Variants in PCDH9 observed in about 807,000 individuals in gnomAD.
PCDH9 encodes the protein protocadherin 9.
In PCDH9, 24 loss-of-function variants were observed where a neutral mutation model predicts 70.6. The ratio of observed to expected loss-of-function variants is 0.34; its 90% CI spans 0.25 to 0.48. The LOEUF is 0.48. Ranked by LOEUF, PCDH9 falls within the 20% of genes least tolerant of loss-of-function variation. The pLI, the probability that PCDH9 is intolerant of heterozygous loss-of-function variation, is 0.99. For missense variants in PCDH9, 1,281 were observed against 1,503.6 expected (o/e 0.85, Z 2.45); for synonymous variants, 562 against 558.5 (o/e 1.01, Z -0.09).
intron 3 of PCDH9, among the ~76,000 whole-genome samples, chr13:66,686,745 A>G (rs975249572): frequency 6.6e-6 from 1 of 152,138 alleles, no homozygotes; most frequent in African/African-American, 2.4e-5. Context: ...TAAACACTGG[A>G]CCCAGGATTT....
At chr13:66,921,173 A>G (rs1273261555) in intron 2 of PCDH9, among the ~76,000 whole-genome samples, 1 of 151,208 alleles carries the variant, frequency 6.6e-6, no homozygotes, top group Non-Finnish European at 1.5e-5. Flanking sequence ...GTTGTGTCAG[A>G]GAATCCCCTG....
rs898934959 is a variant in PCDH9 at position 66,970,303 on chromosome 13, C to A, written c.3037-66698G>T. Among the ~76,000 whole-genome samples, 7 of 151,708 alleles carry A rather than the reference C, an allele frequency of 4.6e-5. No individual in the cohort carries two copies. The South Asian group carries it at 1.2e-3, about 27-fold the overall frequency. On this transcript the variant is annotated intron_variant, in intron 2 of 4. Transcript: ENST00000377865. ...GGGTCTTCGTGCATACTGAGAATAACAAGTTATTTCTTTGGCAGCCCTTAA... is the reference window on the plus strand; with the variant it reads ...GGGTCTTCGTGCATACTGAGAATAAAAAGTTATTTCTTTGGCAGCCCTTAA...
chr13:66,902,616 G>A (rs1713471698), intron 3 of PCDH9, among the ~76,000 whole-genome samples: 1 of 151,336 alleles, frequency 6.6e-6, no homozygotes, highest in African/African-American at 2.4e-5. Flanking sequence ...TCTTTCTACA[G>A]TCTATATGTT....
intron 2 of PCDH9, among the ~76,000 whole-genome samples, chr13:66,992,339 G>A (rs1202258748): frequency 1.3e-5 from 2 of 152,090 alleles, no homozygotes; most frequent in Non-Finnish European, 2.9e-5. Flanking sequence ...AACAAGCTAT[G>A]GATCTAACAT....
At chr13:66,865,368 A>T (rs2139490741) in intron 3 of PCDH9, among the ~76,000 whole-genome samples, 1 of 152,344 alleles carries the variant, frequency 6.6e-6, no homozygotes, top group East Asian at 1.9e-4. Context: ...TTTTATATAT[A>T]GTCAAATTGT....
chr13:66,561,903 G>T (rs1042197638), intron 4 of PCDH9, among the ~76,000 whole-genome samples: 1 of 152,002 alleles, frequency 6.6e-6, no homozygotes, highest in Admixed American at 6.6e-5. Flanking sequence ...TTGTTCTTTC[G>T]CTCTTGGCAA....
intron 2 of PCDH9, among the ~76,000 whole-genome samples, chr13:67,115,554 C>G (rs1394928315): frequency 1.3e-5 from 2 of 152,084 alleles, no homozygotes; most frequent in Non-Finnish European, 2.9e-5. Context: ...TCCTTGTAAA[C>G]TTTCCAGTAG....
chr13:67,132,285 C>T (rs1204728174), intron 2 of PCDH9, among the ~76,000 whole-genome samples: 7 of 152,062 alleles, frequency 4.6e-5, no homozygotes, highest in East Asian at 1.9e-4. Context: ...CGTACTTTCC[C>T]GCCTCCAAGA....
intron 3 of PCDH9, among the ~76,000 whole-genome samples, chr13:66,743,760 A>T (rs925259931): frequency 1.3e-5 from 2 of 152,182 alleles, no homozygotes; most frequent in Non-Finnish European, 2.9e-5. Flanking sequence ...ATAAATACAT[A>T]CAATTTTAGT....
chr13:66,593,126 G>C (rs1000261792), intron 4 of PCDH9, among the ~76,000 whole-genome samples: 4 of 151,632 alleles, frequency 2.6e-5, no homozygotes, highest in African/African-American at 9.7e-5. Context: ...TATTTGTTAA[G>C]AGCTGATAAA....
At chr13:67,110,768 T>A (rs549474941) in intron 2 of PCDH9, among the ~76,000 whole-genome samples, 2 of 152,338 alleles carry the variant, frequency 1.3e-5, no homozygotes, top group East Asian at 3.9e-4. Flanking sequence ...GAGCCTTGAT[T>A]TACATATGTC....
chr13:66,779,873 ATGTGTGTG>A (rs35090227), intron 3 of PCDH9, among the ~76,000 whole-genome samples: 11 of 115,850 alleles, frequency 9.5e-5, no homozygotes, highest in East Asian at 4.8e-4. Context: ...ATATACATAT[ATGTGTGTG>A]TGTGTGTGTG....
At chr13:66,378,980 G>C (rs1406394328) in intron 4 of PCDH9, among the ~76,000 whole-genome samples, 1 of 152,146 alleles carries the variant, frequency 6.6e-6, no homozygotes, top group Non-Finnish European at 1.5e-5. Context: ...GTCTCTCAAG[G>C]GAAACTATGC....
chr13:66,884,098 G>A (rs1300898527), intron 3 of PCDH9, among the ~76,000 whole-genome samples: 1 of 151,220 alleles, frequency 6.6e-6, no homozygotes, highest in Non-Finnish European at 1.5e-5. Flanking sequence ...TGGTTTCACT[G>A]TGTTGGCCAG....
At chr13:67,130,380 A>T (rs1644906638) in intron 2 of PCDH9, among the ~76,000 whole-genome samples, 1 of 152,178 alleles carries the variant, frequency 6.6e-6, no homozygotes, top group African/African-American at 2.4e-5. Flanking sequence ...TAGGTGAAAG[A>T]GTTCTTCAGT....
At chr13:67,001,205 A>T (rs902424824) in intron 2 of PCDH9, among the ~76,000 whole-genome samples, 6 of 152,142 alleles carry the variant, frequency 3.9e-5, no homozygotes, top group African/African-American at 1.4e-4. Context: ...AAAAGTGGAG[A>T]TTTGATGTTT....
At chr13:66,340,482 C>G (rs1956107158) in intron 4 of PCDH9, among the ~76,000 whole-genome samples, 1 of 152,178 alleles carries the variant, frequency 6.6e-6, no homozygotes, top group Admixed American at 6.5e-5. Context: ...GCAAACAAAA[C>G]TGAGTTCCTT....
chr13:66,595,387 T>C (rs980645097), intron 4 of PCDH9, among the ~76,000 whole-genome samples: 4 of 151,750 alleles, frequency 2.6e-5, no homozygotes, highest in Non-Finnish European at 5.9e-5. Context: ...GTGTGACAAA[T>C]GGTCCTGTCA....
intron 2 of PCDH9, among the ~76,000 whole-genome samples, chr13:67,019,928 T>C (rs2084642158): frequency 6.6e-6 from 1 of 152,216 alleles, no homozygotes; most frequent in African/African-American, 2.4e-5. Flanking sequence ...AAGCAATTTC[T>C]ACCTAATAAT....
Sources: allele counts gnomAD v4.1 joint callset (sites outside exome capture counted in the v4.1 genomes callset), GRCh38; gene constraint gnomAD v4.1.1; transcripts MANE v1.5; gene names NCBI Gene and HGNC (gene_info 2026-07-23, HGNC 2026-07-21).